ALK: variants seen among roughly 807,000 people sequenced by gnomAD.
The protein encoded by ALK is ALK receptor tyrosine kinase.
A neutral mutation model predicts 163.1 loss-of-function variants in ALK; 74 were observed. The observed-to-expected ratio is 0.45, with a 90% confidence interval of 0.38 to 0.55. ALK has a LOEUF of 0.55. Ranked by LOEUF, ALK falls within the 20% of genes least tolerant of loss-of-function variation. The pLI is 0.00. For synonymous variants in ALK, 960 were observed against 843.2 expected (o/e 1.14, Z -2.40); for missense variants, 2,063 against 2,105.3 (o/e 0.98, Z 0.39).
chr2:29,886,367 A>T (rs1666984896), intron 1 of ALK, among the ~76,000 whole-genome samples: 2 of 152,246 alleles, frequency 1.3e-5, no homozygotes, highest in South Asian at 4.1e-4. Flanking sequence ...GGGGTTGTTG[A>T]AAAGTCAAGT....
At chr2:29,807,365 C>A (rs1413288953) in intron 1 of ALK, among the ~76,000 whole-genome samples, 1 of 152,246 alleles carries the variant, frequency 6.6e-6, no homozygotes, top group African/African-American at 2.4e-5. Context: ...GATTTTGCAT[C>A]TGTCTGAAAA....
At chr2:29,798,505 G>C (rs1664380167) in intron 1 of ALK, among the ~76,000 whole-genome samples, 1 of 152,226 alleles carries the variant, frequency 6.6e-6, no homozygotes, top group South Asian at 2.1e-4. Flanking sequence ...AAAATATGTA[G>C]AATTTGGTCT....
At position 29,223,481 on chromosome 2, in the gene ALK, G is replaced by A. The variant is rs2148171068; in HGVS notation, c.3220C>T (p.Gln1074Ter). 1.2e-6 allele frequency: 2 copies of A among 1,614,134 alleles called. No individual in the cohort carries two copies. The highest frequency in any genetic ancestry group is 1.7e-6 in the Non-Finnish European group (2 of 1,180,042). ...TTGCTCAGCTTGTACTCAGGGCTCT[G>A]CAGCTCCATCTGCATGGCTTGCAGC... is the stretch of plus-strand genomic sequence containing the variant. ...QELQAMQMELQSPEYKLSKLR... is the reference protein window; with the variant it reads ...QELQAMQMEL Residue 1074 changes from glutamine to a stop codon, truncating the protein, a stop_gained, in exon 20 of 29, where the codon CAG becomes TAG. Coordinates refer to ENST00000389048, the MANE Select transcript of ALK (RefSeq NM_004304.5). LOFTEE classifies it high-confidence loss of function.
chr2:29,890,860 C>G (rs1667125602), intron 1 of ALK: 1 of 152,128 alleles, frequency 6.6e-6, no homozygotes, highest in African/African-American at 2.4e-5. Context: ...GAAGGAAGCC[C>G]CCAACTCATA....
intron 3 of ALK, among the ~76,000 whole-genome samples, chr2:29,687,960 C>T (rs974870125): frequency 2.6e-5 from 4 of 151,966 alleles, no homozygotes; most frequent in Non-Finnish European, 5.9e-5. Context: ...TTAGATAAGC[C>T]AGTAGGAAAT....
At chr2:29,465,873 G>A (rs955301141) in intron 4 of ALK, among the ~76,000 whole-genome samples, 13 of 151,974 alleles carry the variant, frequency 8.6e-5, no homozygotes, top group African/African-American at 3.1e-4. Context: ...AATGCTTAAT[G>A]AAAAAATAAT....
intron 4 of ALK, among the ~76,000 whole-genome samples, chr2:29,476,159 C>T (rs1478330063): frequency 6.6e-6 from 1 of 152,184 alleles, no homozygotes; most frequent in Admixed American, 6.5e-5. Flanking sequence ...AGCTGCGGCT[C>T]AGACCCAGCC....
intron 5 of ALK, among the ~76,000 whole-genome samples, chr2:29,332,039 G>C (rs1049825886): frequency 4.0e-5 from 6 of 151,778 alleles, no homozygotes; most frequent in South Asian, 2.1e-4. Flanking sequence ...GTAATCCCAG[G>C]ACTTTGGGAG....
At chr2:29,308,539 T>TGTGA (rs1228143789) in intron 8 of ALK, among the ~76,000 whole-genome samples, 1 of 152,226 alleles carries the variant, frequency 6.6e-6, no homozygotes, top group Non-Finnish European at 1.5e-5. Flanking sequence ...CTCTAGGCTT[T>TGTGA]GTGAGGGAGA....
intron 11 of ALK, among the ~76,000 whole-genome samples, chr2:29,251,906 G>A (rs2148198355): frequency 6.6e-6 from 1 of 152,346 alleles, no homozygotes; most frequent in South Asian, 2.1e-4. Flanking sequence ...TGGCCTGCCT[G>A]TCAGACGCTC....
At chr2:29,894,292 C>T (rs1667216342) in intron 1 of ALK, among the ~76,000 whole-genome samples, 1 of 152,058 alleles carries the variant, frequency 6.6e-6, no homozygotes, top group African/African-American at 2.4e-5. Flanking sequence ...GGCAACATAG[C>T]ATGGGGGCTA....
chr2:29,238,175 C>T (rs1222435014), intron 13 of ALK, among the ~76,000 whole-genome samples: 1 of 152,204 alleles, frequency 6.6e-6, no homozygotes, highest in Non-Finnish European at 1.5e-5. Flanking sequence ...AAAGCTGCCA[C>T]ATCCGGCAGT....
At chr2:29,459,843 C>A (rs149824638) in intron 4 of ALK, among the ~76,000 whole-genome samples, 13 of 152,232 alleles carry the variant, frequency 8.5e-5, no homozygotes, top group African/African-American at 3.1e-4. Context: ...GTAAGAAAAG[C>A]GAATCTCTGT....
At chr2:29,358,101 C>T (rs894095023) in intron 5 of ALK, among the ~76,000 whole-genome samples, 1 of 152,182 alleles carries the variant, frequency 6.6e-6, no homozygotes, top group Non-Finnish European at 1.5e-5. Context: ...GCTTGCAGAA[C>T]CAGAGTCCAT....
intron 5 of ALK, among the ~76,000 whole-genome samples, chr2:29,373,447 A>C (rs916321960): frequency 6.6e-5 from 10 of 152,206 alleles, no homozygotes; most frequent in Non-Finnish European, 1.3e-4. Flanking sequence ...TATTTCCTTT[A>C]TGTAGTTGTA....
At chr2:29,194,654 A>ACCCCCCCCCCC (rs796664002) in intron 28 of ALK, among the ~76,000 whole-genome samples, 1 of 46,092 alleles carries the variant, frequency 2.2e-5, no homozygotes, top group African/African-American at 7.8e-5. Flanking sequence ...CATGCACCCC[A>ACCCCCCCCCCC]CCCCCCCACC....
chr2:29,373,372 C>G (rs17008001), intron 5 of ALK, among the ~76,000 whole-genome samples: 1,836 of 152,278 alleles, frequency 0.012, 25 homozygotes, highest in African/African-American at 0.041. Flanking sequence ...ATGTCAATGA[C>G]TGAGTATTGC....
chr2:29,294,315 G>T (rs1470626736), intron 9 of ALK, among the ~76,000 whole-genome samples: 1 of 152,230 alleles, frequency 6.6e-6, no homozygotes, highest in Admixed American at 6.5e-5. Flanking sequence ...CTCATAAGGA[G>T]TCAACAGAGC....
At position 29,792,615 on chromosome 2, in the gene ALK, A is replaced by G. The variant is rs534530724; in HGVS notation, c.668-74918T>C. On this transcript the variant is annotated intron_variant, in intron 1 of 28. Coordinates refer to ENST00000389048, the MANE Select transcript of ALK (RefSeq NM_004304.5). Reference sequence around the variant, plus strand: ...ATTAAAAGAAAATGAGCAAAATGTGACCATTTGAAATGCCTCAATGATATT... The same window carrying G: ...ATTAAAAGAAAATGAGCAAAATGTGGCCATTTGAAATGCCTCAATGATATT... Among the ~76,000 whole-genome samples, 5 of 152,332 alleles carry G rather than the reference A, an allele frequency of 3.3e-5. No homozygotes were observed. In the South Asian group the frequency reaches 8.3e-4, roughly 25 times the overall value.
Sources: allele counts gnomAD v4.1 joint callset (sites outside exome capture counted in the v4.1 genomes callset), GRCh38; gene constraint gnomAD v4.1.1; transcripts MANE v1.5; gene names NCBI Gene and HGNC (gene_info 2026-07-23, HGNC 2026-07-21).